The following RBFOX1 variants were observed in gnomAD, a reference collection of about 807,000 sequenced individuals.
The protein encoded by RBFOX1 is RNA binding protein fox-1 homolog 1.
Under a neutral mutation model 57.7 loss-of-function variants are expected in RBFOX1, and 8 were observed. That is an observed-to-expected ratio of 0.14 (90% CI 0.08 to 0.25). The LOEUF (loss-of-function observed/expected upper bound fraction) is 0.25. Ranked by LOEUF, RBFOX1 falls within the 10% of genes least tolerant of loss-of-function variation. RBFOX1 has a pLI of 1.00. For missense variants in RBFOX1, 611 were observed against 548.5 expected (o/e 1.11, Z -1.14); for synonymous variants, 326 against 222.4 (o/e 1.47, Z -4.15).
At chr16:5,441,079 C>T (rs1043458635) in intron 1 of RBFOX1, among the ~76,000 whole-genome samples, 3 of 152,046 alleles carry the variant, frequency 2.0e-5, no homozygotes, top group Admixed American at 6.6e-5. Context: ...TGACTTGGGC[C>T]GTGGTTCAGA....
At chr16:5,257,006 T>G (rs935758119) in intron 1 of RBFOX1, among the ~76,000 whole-genome samples, 1 of 151,616 alleles carries the variant, frequency 6.6e-6, no homozygotes, top group Non-Finnish European at 1.5e-5. Context: ...TTGTCAAAGA[T>G]TGTTGTTGGA....
intron 1 of RBFOX1, among the ~76,000 whole-genome samples, chr16:6,193,860 T>C (rs59173107): frequency 0.099 from 15,015 of 152,102 alleles, 910 homozygotes; most frequent in East Asian, 0.27. Context: ...GCCGAGTCTC[T>C]GCCTCATTGT....
At position 5,286,347 on chromosome 16, in the gene RBFOX1, A is replaced by G. The variant is rs565733553; in HGVS notation, c.219+46242A>G. On this transcript the variant is annotated intron_variant, in intron 1 of 2. Transcript: ENST00000585867. The stretch of plus-strand genomic sequence containing the variant: ...TGGTGTGTGTGGCATTCTGATCTCT[A>G]GTTCTCCAGGTGATGTGTGCAGGTT... Among the ~76,000 whole-genome samples, 7 of 151,838 alleles carry G rather than the reference A, an allele frequency of 4.6e-5. No individual in the cohort carries two copies. The South Asian group carries it at 1.3e-3, about 27-fold the overall frequency.
chr16:5,356,422 A>G (rs1360713111), intron 1 of RBFOX1, among the ~76,000 whole-genome samples: 5 of 152,210 alleles, frequency 3.3e-5, no homozygotes, highest in Non-Finnish European at 4.4e-5. Context: ...TGACTCAATA[A>G]TGTTTAATGC....
chr16:7,581,831 C>T (rs1306217595), intron 6 of RBFOX1, among the ~76,000 whole-genome samples: 1 of 152,142 alleles, frequency 6.6e-6, no homozygotes, highest in Non-Finnish European at 1.5e-5. Context: ...CCACCTCAGC[C>T]TCCCAAGTAG....
In RBFOX1 at chr16:7,161,594, AT is replaced by A. The variant is rs1232762326; in HGVS notation, c.27+109499del. Among the ~76,000 whole-genome samples the A allele has an allele frequency of 3.3e-5, 5 of 152,174 alleles. No homozygotes were observed. The East Asian group carries it at 9.7e-4, about 29-fold the overall frequency. On this transcript the variant is annotated intron_variant, in intron 4 of 15. Transcript: ENST00000550418. The stretch of plus-strand genomic sequence containing the variant: ...AGGCTGTGTACCTACTAAGAATCAG[AT>A]TTAATGTTTGAATCTCGGCTAAGTA...
chr16:5,465,102 A>T (rs2068912336), intron 1 of RBFOX1, among the ~76,000 whole-genome samples: 1 of 152,190 alleles, frequency 6.6e-6, no homozygotes, highest in African/African-American at 2.4e-5. Flanking sequence ...GCCGTAACAA[A>T]GTAATACAGA....
chr16:5,639,933 G>A (rs543534902), intron 3 of RBFOX1, among the ~76,000 whole-genome samples: 2 of 152,310 alleles, frequency 1.3e-5, no homozygotes, highest in East Asian at 1.9e-4. Context: ...CAGGCAAGCT[G>A]AGCATCTCTT....
chr16:5,748,245 T>G (rs939250534), intron 3 of RBFOX1, among the ~76,000 whole-genome samples: 1 of 152,102 alleles, frequency 6.6e-6, no homozygotes, highest in African/African-American at 2.4e-5. Flanking sequence ...AGAGACAGTT[T>G]GTTATAATTT....
intron 2 of RBFOX1, among the ~76,000 whole-genome samples, chr16:6,577,613 T>C (rs2097460053): frequency 6.6e-6 from 1 of 152,208 alleles, no homozygotes; most frequent in Admixed American, 6.5e-5. Flanking sequence ...ATGTATTGGC[T>C]CATCATTCCC....
intron 2 of RBFOX1, among the ~76,000 whole-genome samples, chr16:6,332,716 C>G (rs1425877886): frequency 6.6e-6 from 1 of 152,132 alleles, no homozygotes; most frequent in Non-Finnish European, 1.5e-5. Context: ...CTCTCCTAAC[C>G]ATTTAGTGTA....
At chr16:6,155,596 C>T (rs2096832768) in intron 1 of RBFOX1, among the ~76,000 whole-genome samples, 1 of 152,186 alleles carries the variant, frequency 6.6e-6, no homozygotes, top group African/African-American at 2.4e-5. Context: ...GCTGGCTGCG[C>T]AGTGGCCTAT....
intron 5 of RBFOX1, among the ~76,000 whole-genome samples, chr16:7,520,218 A>G (rs2077242018): frequency 6.6e-6 from 1 of 152,180 alleles, no homozygotes; most frequent in Non-Finnish European, 1.5e-5. Context: ...AATGGTATAC[A>G]TTCTGAAATT....
At chr16:5,755,775 T>C (rs1262738533) in intron 3 of RBFOX1, among the ~76,000 whole-genome samples, 1 of 152,206 alleles carries the variant, frequency 6.6e-6, no homozygotes, top group East Asian at 1.9e-4. Context: ...ATTTTTTGTA[T>C]TTAGTAGACA....
intron 4 of RBFOX1, among the ~76,000 whole-genome samples, chr16:7,465,148 TA>T (rs1567313151): frequency 6.6e-6 from 1 of 152,188 alleles, no homozygotes; most frequent in Non-Finnish European, 1.5e-5. Flanking sequence ...TTGCATATTT[TA>T]CTTTTTCCAC....
intron 3 of RBFOX1, among the ~76,000 whole-genome samples, chr16:6,766,532 A>T (rs1196670607): frequency 6.6e-6 from 1 of 151,882 alleles, no homozygotes. Context: ...GTCCAATAGA[A>T]CTTTCTGCAA....
At position 7,169,834 on chromosome 16, in the gene RBFOX1, G is replaced by T. The variant is rs201283486; in HGVS notation, c.27+117736G>T. On this transcript the variant is annotated intron_variant, in intron 4 of 15. Coordinates refer to ENST00000550418, the MANE Select transcript of RBFOX1 (RefSeq NM_018723.4). ...CCTGTAATCCCTGCACTTTGGCAGG[G>T]CCAAAGCAGGCTGATCGCTTGAGTC... Among the ~76,000 whole-genome samples, 157 of 148,998 alleles carry T rather than the reference G, an allele frequency of 1.1e-3. 1 individual carries two copies. Among genetic ancestry groups the T allele is most frequent in the African/African-American group, 3.7e-3 (149 of 40,280 alleles).
In RBFOX1 at chr16:7,163,181, T is replaced by C. The variant is rs1450290141; in HGVS notation, c.27+111083T>C. On this transcript the variant is annotated intron_variant, in intron 4 of 15. Coordinates refer to ENST00000550418, the MANE Select transcript of RBFOX1 (RefSeq NM_018723.4). ...CATTTTAATATTGGCCAACTGAGAT[T>C]TGAAAAGGTTTTGACTTGCCTGAGT... Among the ~76,000 whole-genome samples the C allele has an allele frequency of 3.9e-5, 6 of 152,194 alleles. No individual in the cohort carries two copies. The East Asian group carries it at 1.2e-3, about 29-fold the overall frequency.
At chr16:7,150,597 G>C (rs767922168) in intron 4 of RBFOX1, among the ~76,000 whole-genome samples, 1 of 152,136 alleles carries the variant, frequency 6.6e-6, no homozygotes. Context: ...CTCACTTTCA[G>C]GATATTTTCT....
Sources: allele counts gnomAD v4.1 joint callset (sites outside exome capture counted in the v4.1 genomes callset), GRCh38; gene constraint gnomAD v4.1.1; transcripts MANE v1.5; gene names NCBI Gene and HGNC (gene_info 2026-07-23, HGNC 2026-07-21).